TRAK2: variants seen among roughly 807,000 people sequenced by gnomAD.
The protein encoded by TRAK2 is trafficking kinesin-binding protein 2.
A neutral mutation model predicts 104.6 loss-of-function variants in TRAK2; 81 were observed. The ratio of observed to expected loss-of-function variants is 0.77; its 90% confidence interval spans 0.65 to 0.93. TRAK2 has a LOEUF of 0.93. Ranked by LOEUF, TRAK2 falls within the 40% of genes least tolerant of loss-of-function variation. TRAK2 has a pLI of 0.00. For synonymous variants in TRAK2, 406 were observed against 394.4 expected, an observed-to-expected ratio of 1.03 and a Z score of -0.35; for missense variants, 1,002 against 1,089.0, an observed-to-expected ratio of 0.92 and a Z score of 1.12.
At chr2:201,442,190 A>T (rs1193672584) in intron 1 of TRAK2, among the ~76,000 whole-genome samples, 1 of 151,206 alleles carries the variant, frequency 6.6e-6, no homozygotes, top group Non-Finnish European at 1.5e-5. Context: ...GGAGATCGAG[A>T]CCATCCTGGC....
At chr2:201,446,805 T>C (rs1021309640) in intron 1 of TRAK2, among the ~76,000 whole-genome samples, 1 of 152,248 alleles carries the variant, frequency 6.6e-6, no homozygotes, top group African/African-American at 2.4e-5. Context: ...ATTAAATACA[T>C]AAGATCACTT....
At chr2:201,445,122 T>C (rs1253734786) in intron 1 of TRAK2, among the ~76,000 whole-genome samples, 1 of 152,226 alleles carries the variant, frequency 6.6e-6, no homozygotes, top group African/African-American at 2.4e-5. Flanking sequence ...GCAGACTTTG[T>C]ACGCTCATTT....
Position 201,420,361 on chromosome 2 carries a change from A to AT in TRAK2, c.91+55dup, listed in dbSNP as rs1951729092. The stretch of plus-strand genomic sequence containing the variant: ...TAGGTCATATATGCTGGACTGAGGC[A>AT]TTTGCATTTTCTCCTATAAGCGATA... On this transcript the variant is annotated intron_variant, in intron 2 of 15. Transcript: ENST00000332624. The AT allele has an allele frequency of 4.2e-6, 6 of 1,443,298 alleles. No homozygotes were observed. In the East Asian group the frequency reaches 1.4e-4, roughly 33 times the overall value. The allele number at this position is 1,443,298 out of a possible 1,614,324, so 89.4% of individuals were successfully genotyped here.
chr2:201,390,649 A>C (rs1296077429), intron 10 of TRAK2, among the ~76,000 whole-genome samples: 1 of 152,000 alleles, frequency 6.6e-6, no homozygotes, highest in Non-Finnish European at 1.5e-5. Context: ...ACTTAAAAAA[A>C]AGAACAAGCA....
chr2:201,436,797 T>C (rs1951882603), intron 1 of TRAK2, among the ~76,000 whole-genome samples: 1 of 152,160 alleles, frequency 6.6e-6, no homozygotes. Context: ...ATAGGCAATA[T>C]AGCTCTTCAA....
rs1381875878 is a variant in TRAK2, at chr2:201,389,408, G to T, written c.1289C>A (p.Ser430Tyr). 6.2e-7 allele frequency: 1 copy of T among 1,614,118 alleles called. No individual in the cohort carries two copies. The highest frequency in any genetic ancestry group is 8.5e-7 in the Non-Finnish European group (1 of 1,180,030). ...TGTCATGATGACACTTGAACGGTTG[G>T]AGCCTGGAATGGGTAACAGAGCTGG... ...SFPALLPIPG[S>Y]NRSSVIMTAK... The change falls in exon 12 of 16, where the codon TCC becomes TAC. Residue 430 changes from serine (S) to tyrosine (Y), a missense_variant. Transcript: ENST00000332624.
intron 2 of TRAK2, chr2:201,411,118 T>C (rs1288685592): frequency 1.1e-6 from 1 of 913,130 alleles, no homozygotes; most frequent in African/African-American, 1.6e-5. Context: ...GCAGAAGGTT[T>C]AGGGGTACTA....
chr2:201,410,329 G>A (rs1430851685), intron 2 of TRAK2, among the ~76,000 whole-genome samples: 7 of 151,936 alleles, frequency 4.6e-5, no homozygotes, highest in Non-Finnish European at 1.5e-5. Context: ...AAAAAACCTG[G>A]AGAGGAGTTG....
At chr2:201,424,882 C>T (rs1371559852) in intron 1 of TRAK2, among the ~76,000 whole-genome samples, 2 of 152,088 alleles carry the variant, frequency 1.3e-5, no homozygotes, top group Non-Finnish European at 2.9e-5. Context: ...GCTGGGATTA[C>T]AGGCGTGAGC....
At position 201,387,808 on chromosome 2, in the gene TRAK2, G is replaced by C. The variant is rs753029854; in HGVS notation, c.1591C>G (p.Leu531Val). ...GACTGGGTGGTGCAGAGAGAGGCAA[G>C]GCTCTCTGTCGGGGTGACACAGCCA... ...VSGCVTPTES[L>V]ASLCTTQSEI... The change falls in exon 13 of 16, where the codon CTT becomes GTT. Residue 531 changes from leucine (L) to valine (V), a missense_variant. Coordinates refer to ENST00000332624, the MANE Select transcript of TRAK2 (RefSeq NM_015049.3). The C allele has an allele frequency of 1.8e-5, 29 of 1,614,066 alleles. No individual in the cohort carries two copies. Among genetic ancestry groups the C allele is most frequent in the East Asian group, 2.2e-5 (1 of 44,890 alleles).
At chr2:201,431,218 T>G (rs1951839653) in intron 1 of TRAK2, among the ~76,000 whole-genome samples, 1 of 152,236 alleles carries the variant, frequency 6.6e-6, no homozygotes, top group African/African-American at 2.4e-5. Context: ...AAAAAAGTCT[T>G]AACTATACTT....
rs1410709484 is a variant in TRAK2, at chr2:201,381,236, A to G, written c.2070-18T>C. ...ACCCAGAGCTTAAAAAAAAAAAAAAAAAGTGGGAGACAGTGTTTAAGAATA... is the reference window on the plus strand; with the variant it reads ...ACCCAGAGCTTAAAAAAAAAAAAAAGAAGTGGGAGACAGTGTTTAAGAATA... On this transcript the variant is annotated intron_variant, in intron 15 of 15. Transcript: ENST00000332624. 1 of 1,566,476 alleles carries G rather than the reference A, an allele frequency of 6.4e-7. No homozygotes were observed. Among genetic ancestry groups the G allele is most frequent in the Middle Eastern group, 1.7e-4 (1 of 5,834 alleles).
At chr2:201,396,266 G>A (rs1387912309) in intron 7 of TRAK2, among the ~76,000 whole-genome samples, 1 of 152,196 alleles carries the variant, frequency 6.6e-6, no homozygotes, top group Non-Finnish European at 1.5e-5. Flanking sequence ...ATTTTAAAGT[G>A]TAAAAGGTGG....
In TRAK2 at chr2:201,389,379, T is replaced by G. The variant is rs1951422825; in HGVS notation, c.1318A>C (p.Lys440Gln). Residue 440 changes from lysine to glutamine, a missense_variant, in exon 12 of 16, where the codon AAA becomes CAA. Coordinates refer to ENST00000332624, the MANE Select transcript of TRAK2 (RefSeq NM_015049.3). ...SNRSSVIMTA[K>Q]PFESGLQQTE... is the part of the protein sequence containing the mutation. ...TGCTGAAGACCAGACTCAAAAGGTT[T>G]TGCTGTCATGATGACACTTGAACGG... The G allele has an allele frequency of 6.2e-7, 1 of 1,614,154 alleles. No homozygotes were observed. Among genetic ancestry groups the G allele is most frequent in the African/African-American group, 1.3e-5 (1 of 75,048 alleles).
chr2:201,399,740 T>C (rs1951533683), intron 4 of TRAK2, among the ~76,000 whole-genome samples: 1 of 152,054 alleles, frequency 6.6e-6, no homozygotes, highest in African/African-American at 2.4e-5. Flanking sequence ...TCAAGTGAGA[T>C]TTATTGATCA....
intron 1 of TRAK2, among the ~76,000 whole-genome samples, chr2:201,421,294 T>C (rs1474826604): frequency 2.6e-5 from 4 of 152,152 alleles, no homozygotes; most frequent in East Asian, 1.9e-4. Flanking sequence ...GGCTTGAAGA[T>C]AGACTGTGAT....
At chr2:201,408,239 A>G (rs932702998) in intron 2 of TRAK2, among the ~76,000 whole-genome samples, 1 of 152,226 alleles carries the variant, frequency 6.6e-6, no homozygotes, top group African/African-American at 2.4e-5. Flanking sequence ...GAACATGCAG[A>G]TACCACAAAT....
At chr2:201,411,086 A>G (rs1380696212) in intron 2 of TRAK2, 2 of 1,122,848 alleles carry the variant, frequency 1.8e-6, no homozygotes, top group Non-Finnish European at 2.7e-6. Context: ...CCATGGAAGG[A>G]ACAGAAGTGA....
In TRAK2 at chr2:201,398,311, A is replaced by G; in HGVS notation, c.524T>C (p.Leu175Pro). The change falls in exon 6 of 16, where the codon CTT becomes CCT. Residue 175 changes from leucine to proline, a missense_variant. Leu to Pro is a moderately conservative substitution (Grantham distance 98). Coordinates refer to ENST00000332624, the MANE Select transcript of TRAK2 (RefSeq NM_015049.3). ...TTCAGAAGCAATGGAGACGATTCGA[A>G]GTAACTCATCTTTCTTGCATAGCTC... ...QHELCKKDEL[L>P]RIVSIASEES... The G allele has an allele frequency of 1.9e-6, 3 of 1,613,694 alleles. No homozygotes were observed. Among genetic ancestry groups the G allele is most frequent in the Non-Finnish European group, 2.5e-6 (3 of 1,179,686 alleles).
Sources: allele counts gnomAD v4.1 joint callset (sites outside exome capture counted in the v4.1 genomes callset), GRCh38; gene constraint gnomAD v4.1.1; transcripts MANE v1.5; gene names NCBI Gene and HGNC (gene_info 2026-07-23, HGNC 2026-07-21).